ADAD1: variants seen among roughly 807,000 people sequenced by gnomAD.
ADAD1 encodes the protein adenosine deaminase domain containing 1.
In ADAD1, 46 loss-of-function variants were observed where a neutral mutation model predicts 66.8. The ratio of observed to expected loss-of-function variants is 0.69; its 90% CI spans 0.54 to 0.88. ADAD1 has a LOEUF of 0.88. ADAD1 is among the 40% of genes least tolerant of loss of function. ADAD1 has a pLI of 0.00. For missense variants in ADAD1, 617 were observed against 681.8 expected, an observed-to-expected ratio of 0.91 and a Z score of 1.06; for synonymous variants, 248 against 229.4, an observed-to-expected ratio of 1.08 and a Z score of -0.73.
chr4:122,379,800 T>A, intron 2 of ADAD1: 1 of 346,354 alleles, frequency 2.9e-6, no homozygotes, highest in Non-Finnish European at 5.2e-6. Flanking sequence ...AGTTTTAAGG[T>A]CTTTTACAGG....
At chr4:122,427,705 T>C (rs7674675) in intron 12 of ADAD1, among the ~76,000 whole-genome samples, 12,816 of 151,600 alleles carry the variant, frequency 0.085, 1,851 homozygotes, top group African/African-American at 0.29. Context: ...CGGCTAATTT[T>C]TTGTATCTTT....
chr4:122,416,382 A>G (rs530372438), intron 11 of ADAD1, among the ~76,000 whole-genome samples: 2 of 152,376 alleles, frequency 1.3e-5, no homozygotes, highest in East Asian at 1.9e-4. Flanking sequence ...AAAAATTTAA[A>G]TGCTTAAAAT....
intron 8 of ADAD1, 70 bp downstream of exon 8, chr4:122,408,101 T>C (rs1277779094): frequency 1.4e-6 from 2 of 1,436,904 alleles, no homozygotes; most frequent in Non-Finnish European, 1.9e-6. Context: ...CATATAAATG[T>C]CTTCATTTAC....
chr4:122,427,352 A>G (rs1797290617), intron 12 of ADAD1, among the ~76,000 whole-genome samples: 1 of 152,142 alleles, frequency 6.6e-6, no homozygotes, highest in South Asian at 2.1e-4. Context: ...AAATTGAAGG[A>G]GACCTAAGTA....
At position 122,429,677 on chromosome 4, in the gene ADAD1, C is replaced by A; in HGVS notation, c.1669C>A (p.Gln557Lys). Residue 557 changes from glutamine (Q) to lysine (K), a missense_variant, in exon 13 of 13, where the codon CAA becomes AAA. Physicochemically the swap from Gln to Lys is moderately conservative, Grantham distance 53. Coordinates refer to ENST00000296513, the MANE Select transcript of ADAD1 (RefSeq NM_139243.4). ...EAKCKLKSYLQQHGYGSWIVK... is the reference protein window; with the variant it reads ...EAKCKLKSYLKQHGYGSWIVK... ...TAAATGTAAGTTGAAATCCTACTTA[C>A]AACAACATGGCTATGGATCCTGGAT... The A allele has an allele frequency of 1.9e-6, 3 of 1,613,538 alleles. No individual in the cohort carries two copies. Among genetic ancestry groups the A allele is most frequent in the Non-Finnish European group, 2.5e-6 (3 of 1,179,698 alleles).
chr4:122,418,604 G>C (rs1796863909), intron 11 of ADAD1, among the ~76,000 whole-genome samples: 1 of 152,088 alleles, frequency 6.6e-6, no homozygotes, highest in Non-Finnish European at 1.5e-5. Flanking sequence ...TTACAGGCGT[G>C]AGCCACCAAT....
At chr4:122,410,012 G>A (rs1449918547) in intron 8 of ADAD1, among the ~76,000 whole-genome samples, 1 of 152,192 alleles carries the variant, frequency 6.6e-6, no homozygotes. Context: ...ACTCAAGTGA[G>A]AATAGGATAA....
chr4:122,381,234 A>C, intron 4 of ADAD1, 54 bp downstream of exon 4: 1 of 1,463,594 alleles, frequency 6.8e-7, no homozygotes, highest in Non-Finnish European at 9.1e-7. Flanking sequence ...ATAGCAAAAT[A>C]ATTGTGCTAA....
Position 122,393,637 on chromosome 4 carries a change from A to C in ADAD1, c.578A>C (p.Tyr193Ser). Reference protein sequence around the residue: ...AEPVVLSELAYVSKVHYEGRH... With the variant: ...AEPVVLSELASVSKVHYEGRH... ...CCTGTTGTTTTATCTGAACTAGCAT[A>C]TGTTTCAAAAGTACATTATGGTAGG... Residue 193 changes from tyrosine to serine, a missense_variant, in exon 6 of 13, where the codon TAT (tyrosine) becomes TCT (serine). Transcript: ENST00000296513. 6.2e-7 allele frequency: 1 copy of C among 1,602,120 alleles called. No individual in the cohort carries two copies. Among genetic ancestry groups the C allele is most frequent in the South Asian group, 1.1e-5 (1 of 88,098 alleles).
intron 8 of ADAD1, 96 bp downstream of exon 8, chr4:122,408,127 G>T: frequency 7.6e-7 from 1 of 1,309,658 alleles, no homozygotes; most frequent in East Asian, 2.6e-5. Flanking sequence ...GAATTTTATT[G>T]ATCATAGAGC....
At chr4:122,389,721 A>C (rs1311040418) in intron 5 of ADAD1, among the ~76,000 whole-genome samples, 1 of 152,042 alleles carries the variant, frequency 6.6e-6, no homozygotes, top group Non-Finnish European at 1.5e-5. Flanking sequence ...ATTTTCCTCC[A>C]TCCCTTTATT....
chr4:122,411,499 T>C, intron 9 of ADAD1, 107 bp downstream of exon 9: 1 of 1,157,536 alleles, frequency 8.6e-7, no homozygotes, highest in Non-Finnish European at 1.2e-6. Context: ...CCGTATTTTC[T>C]CTTCAGCTTT....
chr4:122,408,073 C>G (rs75008096), intron 8 of ADAD1, 42 bp downstream of exon 8: 3 of 1,564,374 alleles, frequency 1.9e-6, no homozygotes, highest in East Asian at 2.3e-5. Flanking sequence ...TATGAATGCC[C>G]TCAGCCCAAA....
At chr4:122,403,771 G>A (rs6816586) in intron 7 of ADAD1, among the ~76,000 whole-genome samples, 12,908 of 152,068 alleles carry the variant, frequency 0.085, 1,866 homozygotes, top group African/African-American at 0.29. Context: ...TTTGTCTTCG[G>A]CTACCAGCAT....
intron 7 of ADAD1, among the ~76,000 whole-genome samples, chr4:122,399,988 T>C (rs1043246415): frequency 1.3e-5 from 2 of 152,138 alleles, no homozygotes; most frequent in Non-Finnish European, 2.9e-5. Flanking sequence ...GTGGACGTTC[T>C]TTATTTCTGT....
Position 122,381,086 on chromosome 4 carries a change from A to G in ADAD1, c.267A>G (p.Lys89=). 5.6e-6 allele frequency: 9 copies of G among 1,606,230 alleles called. No homozygotes were observed. In the Middle Eastern group the frequency reaches 1.2e-3, roughly 207 times the overall value. Residue 89 remains lysine, a synonymous_variant, in exon 4 of 13, where the codon AAA becomes AAG. Coordinates refer to ENST00000296513, the MANE Select transcript of ADAD1 (RefSeq NM_139243.4). ...PKKIPKEFIM[K]YKRGEINPVS... ...AAATACCTAAGGAATTTATAATGAA[A>G]TACAAACGTGGAGAGATAAATCCTG...
intron 11 of ADAD1, among the ~76,000 whole-genome samples, chr4:122,416,342 T>A (rs1213994264): frequency 6.6e-6 from 1 of 152,260 alleles, no homozygotes; most frequent in African/African-American, 2.4e-5. Context: ...AGTGTGAACA[T>A]ACATTTGTAA....
At chr4:122,419,137 A>C (rs1486098147) in intron 11 of ADAD1, among the ~76,000 whole-genome samples, 3 of 152,244 alleles carry the variant, frequency 2.0e-5, no homozygotes, top group Non-Finnish European at 2.9e-5. Context: ...CCAAATGTCC[A>C]TCAATGATGG....
At position 122,429,688 on chromosome 4, in the gene ADAD1, C is replaced by G. The variant is rs139490640; in HGVS notation, c.1680C>G (p.Gly560=). The G allele has an allele frequency of 2.5e-6, 4 of 1,613,322 alleles. No individual in the cohort carries two copies. The African/African-American group carries it at 4.0e-5, about 16-fold the overall frequency. The part of the protein sequence containing the change: ...CKLKSYLQQH[G]YGSWIVKSPC... ...TGAAATCCTACTTACAACAACATGG[C>G]TATGGATCCTGGATTGTGAAATCTC... The change falls in exon 13 of 13, where the codon GGC becomes GGG. Residue 560 remains glycine, a synonymous_variant. Coordinates refer to ENST00000296513, the MANE Select transcript of ADAD1 (RefSeq NM_139243.4).
Sources: gnomAD v4.1 joint callset for allele counts (sites outside exome capture counted in the v4.1 genomes callset) on GRCh38, gnomAD v4.1.1 for gene constraint, MANE v1.5 for transcripts, NCBI Gene and HGNC (gene_info 2026-07-23, HGNC 2026-07-21) for gene names.